NTM: variants seen among roughly 807,000 people sequenced by gnomAD.
The protein encoded by NTM is IgLON family member 2.
A neutral mutation model predicts 42.1 loss-of-function variants in NTM; 13 were observed. That is an observed-to-expected ratio of 0.31 (90% CI 0.20 to 0.49). NTM has a LOEUF of 0.49. Ranked by LOEUF, NTM falls within the 20% of genes least tolerant of loss-of-function variation. The probability of loss-of-function intolerance (pLI) is 0.99; values close to 1 mark genes in which losing one functional copy is unlikely to be tolerated. For synonymous variants in NTM, 187 were observed against 179.2 expected, an observed-to-expected ratio of 1.04 and a Z score of -0.35; for missense variants, 373 against 452.8, an observed-to-expected ratio of 0.82 and a Z score of 1.60.
intron 4 of NTM, among the ~76,000 whole-genome samples, chr11:132,305,962 G>A (rs1009433792): frequency 2.0e-5 from 3 of 152,158 alleles, no homozygotes; most frequent in African/African-American, 4.8e-5. Flanking sequence ...AATGGACATA[G>A]GCTGTTCTTT....
At chr11:131,937,947 G>T (rs2059398622) in intron 2 of NTM, among the ~76,000 whole-genome samples, 1 of 152,196 alleles carries the variant, frequency 6.6e-6, no homozygotes, top group Admixed American at 6.5e-5. Context: ...ACTGAGCCAA[G>T]CCTGAAAATA....
intron 2 of NTM, among the ~76,000 whole-genome samples, chr11:132,035,651 G>GGT (rs368722715): frequency 5.3e-5 from 8 of 151,484 alleles, no homozygotes; most frequent in African/African-American, 1.2e-4. Context: ...CAGTGGGAGG[G>GGT]GTGTGTGTGT....
chr11:131,463,771 C>T (rs182073111), intron 1 of NTM, among the ~76,000 whole-genome samples: 171 of 152,308 alleles, frequency 1.1e-3, no homozygotes, highest in Non-Finnish European at 2.0e-3. Flanking sequence ...GGGGCATCGG[C>T]GCCTCTCAGA....
chr11:131,676,893 C>T (rs1308871071), intron 1 of NTM, among the ~76,000 whole-genome samples: 1 of 152,210 alleles, frequency 6.6e-6, no homozygotes, highest in Admixed American at 6.5e-5. Flanking sequence ...TTATTACAGT[C>T]GCCTCACGAC....
intron 2 of NTM, among the ~76,000 whole-genome samples, chr11:132,044,544 A>G (rs2077712185): frequency 6.6e-6 from 1 of 152,124 alleles, no homozygotes; most frequent in South Asian, 2.1e-4. Flanking sequence ...ATGAGTCCAT[A>G]TATTTTCTTA....
chr11:131,826,952 G>A (rs1003827026), intron 1 of NTM, among the ~76,000 whole-genome samples: 2 of 152,134 alleles, frequency 1.3e-5, no homozygotes, highest in Admixed American at 1.3e-4. Flanking sequence ...AAAGGTCTGA[G>A]AGTCTCTGTC....
At chr11:132,048,529 T>A (rs562813236) in intron 2 of NTM, among the ~76,000 whole-genome samples, 29 of 152,294 alleles carry the variant, frequency 1.9e-4, no homozygotes, top group African/African-American at 6.5e-4. Flanking sequence ...TTCTCACCCT[T>A]CAGAGTGCAA....
intron 1 of NTM, among the ~76,000 whole-genome samples, chr11:131,776,509 A>G (rs1456137656): frequency 6.6e-6 from 1 of 152,074 alleles, no homozygotes; most frequent in Non-Finnish European, 1.5e-5. Flanking sequence ...CAGAGCAGCA[A>G]TTTCCAGCTT....
chr11:132,253,918 T>C (rs993503403), intron 4 of NTM, among the ~76,000 whole-genome samples: 7 of 152,184 alleles, frequency 4.6e-5, no homozygotes, highest in Non-Finnish European at 7.3e-5. Flanking sequence ...GCAGAGGACA[T>C]AGGAGCTCAG....
chr11:131,835,710 C>A (rs1284161216), intron 1 of NTM, among the ~76,000 whole-genome samples: 1 of 152,134 alleles, frequency 6.6e-6, no homozygotes, highest in African/African-American at 2.4e-5. Context: ...CATTGTTCCT[C>A]TCAGCATAGA....
intron 3 of NTM, among the ~76,000 whole-genome samples, chr11:132,154,491 G>C (rs1412081573): frequency 6.6e-6 from 1 of 152,212 alleles, no homozygotes; most frequent in African/African-American, 2.4e-5. Context: ...ATTTGAATTT[G>C]TAATAATGAT....
intron 1 of NTM, among the ~76,000 whole-genome samples, chr11:131,827,370 G>A (rs1394440202): frequency 6.6e-6 from 1 of 152,168 alleles, no homozygotes; most frequent in Non-Finnish European, 1.5e-5. Context: ...GCAGAAGTGG[G>A]AAAGGCCAGT....
chr11:131,865,635 A>G (rs2047053250), intron 1 of NTM, among the ~76,000 whole-genome samples: 1 of 152,076 alleles, frequency 6.6e-6, no homozygotes, highest in African/African-American at 2.4e-5. Context: ...CAACCCTCTT[A>G]TGCTCACAGG....
intron 2 of NTM, among the ~76,000 whole-genome samples, chr11:131,916,158 G>T (rs544410156): frequency 6.6e-6 from 1 of 152,202 alleles, no homozygotes; most frequent in South Asian, 2.1e-4. Flanking sequence ...CTTTCTGTGG[G>T]TTGGCAGGAC....
chr11:131,463,382 CA>C (rs1951588179), intron 1 of NTM, among the ~76,000 whole-genome samples: 1 of 152,210 alleles, frequency 6.6e-6, no homozygotes, highest in South Asian at 2.1e-4. Flanking sequence ...CTCTGCCCCC[CA>C]GTGCGTGACC....
intron 1 of NTM, among the ~76,000 whole-genome samples, chr11:131,443,863 G>A (rs141186164): frequency 4.5e-4 from 69 of 152,278 alleles, no homozygotes; most frequent in African/African-American, 1.5e-3. Context: ...CCTGTAAGAA[G>A]CATGTGAATA....
rs570399270 is a variant in NTM at position 131,622,698 on chromosome 11, T to C, written c.82+251810T>C. On this transcript the variant is annotated intron_variant, in intron 1 of 8. Coordinates refer to ENST00000683400, the MANE Select transcript of NTM (RefSeq NM_001352005.2). ...TGCTTCAGTTCTGCCCCTAGGCCAC[T>C]GTTTTCGGTCATGTTCTGTTGCAGG... Among the ~76,000 whole-genome samples, 10 of 152,270 alleles carry C rather than the reference T, an allele frequency of 6.6e-5. No individual in the cohort carries two copies. In the East Asian group the frequency reaches 1.2e-3, roughly 18 times the overall value.
At chr11:131,438,713 G>A (rs898683145) in intron 1 of NTM, among the ~76,000 whole-genome samples, 3 of 152,098 alleles carry the variant, frequency 2.0e-5, no homozygotes, top group African/African-American at 4.8e-5. Context: ...TAGCTTCCTT[G>A]TGATGGATTC....
At chr11:131,493,467 T>C (rs1254091009) in intron 1 of NTM, among the ~76,000 whole-genome samples, 1 of 152,152 alleles carries the variant, frequency 6.6e-6, no homozygotes, top group Non-Finnish European at 1.5e-5. Context: ...GCTTCTCTGG[T>C]GGCCATTCAT....
Sources: gnomAD v4.1 joint callset for allele counts (sites outside exome capture counted in the v4.1 genomes callset) on GRCh38, gnomAD v4.1.1 for gene constraint, MANE v1.5 for transcripts, NCBI Gene and HGNC (gene_info 2026-07-23, HGNC 2026-07-21) for gene names.